TIMP3: variants seen among roughly 807,000 people sequenced by gnomAD.
TIMP3 encodes the protein metalloproteinase inhibitor 3.
A neutral mutation model predicts 30.0 loss-of-function variants in TIMP3; 11 were observed. The ratio of observed to expected loss-of-function variants is 0.37; its 90% confidence interval spans 0.23 to 0.61. The LOEUF is 0.61. Ranked by LOEUF, TIMP3 falls within the 20% of genes least tolerant of loss-of-function variation. The probability of loss-of-function intolerance (pLI) is 0.70; values close to 1 mark genes in which losing one functional copy is unlikely to be tolerated. For missense variants in TIMP3, 181 were observed against 276.8 expected, an observed-to-expected ratio of 0.65 and a Z score of 2.45; for synonymous variants, 112 against 111.3, an observed-to-expected ratio of 1.01 and a Z score of -0.04.
chr22:32,801,812 A>G lies in TIMP3; in HGVS notation c.-190A>G, dbSNP rs2046590191. The G allele has an allele frequency of 1.8e-6, 1 of 555,692 alleles. No individual in the cohort carries two copies. The highest frequency in any genetic ancestry group is 5.5e-5 in the East Asian group (1 of 18,082). The allele number at this position is 555,692 out of a possible 1,614,324, so 34.4% of individuals were successfully genotyped here. ...GAGGCCGCCCGCCGAGTCCTGCGCCAGCGCCGAGGCAGCCTCGCTGCGCCC... is the reference window on the plus strand; with the variant it reads ...GAGGCCGCCCGCCGAGTCCTGCGCCGGCGCCGAGGCAGCCTCGCTGCGCCC... On this transcript the variant is annotated 5_prime_UTR_variant, in exon 1 of 5. Coordinates refer to ENST00000266085, the MANE Select transcript of TIMP3 (RefSeq NM_000362.5). The surrounding 1 kb of genome is among the most constrained non-coding windows in gnomAD (Gnocchi z 4.7).
intron 2 of TIMP3, among the ~76,000 whole-genome samples, chr22:32,851,126 G>A (rs1370101616): frequency 6.6e-6 from 1 of 152,172 alleles, no homozygotes; most frequent in African/African-American, 2.4e-5. Flanking sequence ...TGGGGAACCA[G>A]CAAGAGCAAC....
Position 32,859,422 on chromosome 22 carries a change from C to T in TIMP3, c.*45C>T. On this transcript the variant is annotated 3_prime_UTR_variant, in exon 5 of 5. Transcript: ENST00000266085. Reference sequence around the variant, plus strand: ...CTCACTTCCCTCCCTTCCCGCTGAGCTTCCCTTGGACACTAACTCTTCCCA... The same window carrying T: ...CTCACTTCCCTCCCTTCCCGCTGAGTTTCCCTTGGACACTAACTCTTCCCA... 1.9e-6 allele frequency: 3 copies of T among 1,580,560 alleles called. No homozygotes were observed. The highest frequency in any genetic ancestry group is 2.6e-6 in the Non-Finnish European group (3 of 1,167,814).
chr22:32,836,372 C>T (rs867856615), intron 1 of TIMP3, among the ~76,000 whole-genome samples: 6 of 152,318 alleles, frequency 3.9e-5, no homozygotes, highest in South Asian at 4.2e-4. Flanking sequence ...TCAATGACTC[C>T]ATCTCCCTGT....
In TIMP3 at chr22:32,830,872, A is replaced by C. The variant is rs16991318; in HGVS notation, c.122-18580A>C. 9.5e-3 allele frequency among the ~76,000 whole-genome samples: 1,445 copies of C among 152,300 alleles called. 32 individuals carry two copies. The highest frequency in any genetic ancestry group is 0.034 in the African/African-American group (1,408 of 41,554). On this transcript the variant is annotated intron_variant, in intron 1 of 4. Transcript: ENST00000266085. ...CTGATGGTCTTCGCTGGCACGTAGC[A>C]AAATCCACCCAGAACACCGCGATCT...
At chr22:32,858,248 T>G in intron 4 of TIMP3, 110 bp downstream of exon 4, 1 of 1,503,754 alleles carries the variant, frequency 6.7e-7, no homozygotes, top group Non-Finnish European at 9.1e-7. Flanking sequence ...AGGGTATGCA[T>G]GTGTTAGGCC....
chr22:32,808,848 G>A (rs1159109272), intron 1 of TIMP3, among the ~76,000 whole-genome samples: 2 of 152,216 alleles, frequency 1.3e-5, no homozygotes, highest in African/African-American at 4.8e-5. Flanking sequence ...AACTCCCAGA[G>A]GGGATCATTC....
rs2046929488 is a variant in TIMP3, at chr22:32,812,037, G to A, written c.121+9915G>A. On this transcript the variant is annotated intron_variant, in intron 1 of 4. Transcript: ENST00000266085. Reference sequence around the variant, plus strand: ...ACTGGCTGGAGTTAGGAGGCCTAAGGTCTAGTCCTAGTTCATCATCTGACT... The same window carrying A: ...ACTGGCTGGAGTTAGGAGGCCTAAGATCTAGTCCTAGTTCATCATCTGACT... Among the ~76,000 whole-genome samples the A allele has an allele frequency of 2.6e-5, 4 of 152,170 alleles. No individual in the cohort carries two copies. In the South Asian group the frequency reaches 8.3e-4, roughly 32 times the overall value.
intron 1 of TIMP3, among the ~76,000 whole-genome samples, chr22:32,807,393 T>TA (rs1385303213): frequency 9.8e-6 from 1 of 101,690 alleles, no homozygotes; most frequent in Non-Finnish European, 1.9e-5. Flanking sequence ...ATATTATATA[T>TA]AATATATATA....
At position 32,861,738 on chromosome 22, in the gene TIMP3, T is replaced by G. The variant is rs1193977416; in HGVS notation, c.*2361T>G. 6.6e-6 allele frequency: 1 copy of G among 152,510 alleles called. No individual in the cohort carries two copies. Among genetic ancestry groups the G allele is most frequent in the African/African-American group, 2.4e-5 (1 of 41,400 alleles). 9.4% of individuals were successfully genotyped at this position (152,510 alleles called of 1,614,324 possible). A position where few individuals can be genotyped will look rare whatever the true frequency, so the allele number is the denominator to read the frequency against. ...AAGAAGGGTCTTTCGCAAAGCGATG[T>G]CAGAGGGCGGTTTTGAGCTTTCTAT... On this transcript the variant is annotated 3_prime_UTR_variant, in exon 5 of 5. Transcript: ENST00000266085.
At position 32,801,978 on chromosome 22, in the gene TIMP3, C is replaced by A; in HGVS notation, c.-24C>A. 2 of 1,581,418 alleles carry A rather than the reference C, an allele frequency of 1.3e-6. No individual in the cohort carries two copies. Among genetic ancestry groups the A allele is most frequent in the Non-Finnish European group, 1.7e-6 (2 of 1,171,044 alleles). On this transcript the variant is annotated 5_prime_UTR_variant, in exon 1 of 5. Transcript: ENST00000266085. This position sits in a 1 kb window ranked among gnomAD's most constrained non-coding sequence, Gnocchi z 4.7. Reference sequence around the variant, plus strand: ...AACTTTGGAGAGGCGAGCAGCAGCCCCGGCAGCGGCGGCAGCAGCGGCAAT... The same window carrying A: ...AACTTTGGAGAGGCGAGCAGCAGCCACGGCAGCGGCGGCAGCAGCGGCAAT...
intron 1 of TIMP3, among the ~76,000 whole-genome samples, chr22:32,841,496 T>C (rs934639553): frequency 4.6e-5 from 7 of 152,150 alleles, no homozygotes; most frequent in Non-Finnish European, 1.0e-4. Context: ...TACAATTTCC[T>C]GAGATTAAGA....
chr22:32,855,072 G>A (rs9609643), intron 2 of TIMP3, among the ~76,000 whole-genome samples: 9,541 of 152,310 alleles, frequency 0.063, 385 homozygotes, highest in South Asian at 0.19. Flanking sequence ...ATGCCAGGAA[G>A]TAAAGTAGAG....
At chr22:32,836,206 T>C (rs1254041732) in intron 1 of TIMP3, among the ~76,000 whole-genome samples, 1 of 152,236 alleles carries the variant, frequency 6.6e-6, no homozygotes, top group Non-Finnish European at 1.5e-5. Context: ...GTTTGTAAAG[T>C]GTGTCTGTCT....
intron 1 of TIMP3, among the ~76,000 whole-genome samples, 181 bp downstream of exon 1, chr22:32,802,303 G>T (rs536106538): frequency 6.6e-6 from 1 of 152,244 alleles, no homozygotes; most frequent in South Asian, 2.1e-4. Flanking sequence ...GAGAGGGGAA[G>T]ATGCCCTGCA....
At chr22:32,847,431 T>A (rs2048098243) in intron 1 of TIMP3, among the ~76,000 whole-genome samples, 1 of 152,156 alleles carries the variant, frequency 6.6e-6, no homozygotes. Context: ...GCTAAATTGC[T>A]CACTTTGCCA....
At chr22:32,841,313 A>C (rs2047894730) in intron 1 of TIMP3, among the ~76,000 whole-genome samples, 1 of 152,166 alleles carries the variant, frequency 6.6e-6, no homozygotes, top group South Asian at 2.1e-4. Context: ...CCAGTGTCTG[A>C]TAGAGCACAG....
rs191293675 is a variant in TIMP3 at position 32,801,885 on chromosome 22, G to A, written c.-117G>A. The stretch of plus-strand genomic sequence containing the variant: ...GGAGGGCAGCGCGCCGGAGGCCAAG[G>A]TTGCCCCGCACGGCCCGGCGGGCGA... On this transcript the variant is annotated 5_prime_UTR_variant, in exon 1 of 5. Coordinates refer to ENST00000266085, the MANE Select transcript of TIMP3 (RefSeq NM_000362.5). This position sits in a 1 kb window ranked among gnomAD's most constrained non-coding sequence, Gnocchi z 4.7. The A allele has an allele frequency of 1.7e-3, 2,311 of 1,326,686 alleles. 21 individuals carry two copies. The African/African-American group carries it at 0.023, about 13-fold the overall frequency. The allele number at this position is 1,326,686 out of a possible 1,614,324, so 82.2% of individuals were successfully genotyped here. A position where few individuals can be genotyped will look rare whatever the true frequency, so the allele number is the denominator to read the frequency against.
chr22:32,842,756 T>C (rs1195553745), intron 1 of TIMP3, among the ~76,000 whole-genome samples: 1 of 152,336 alleles, frequency 6.6e-6, no homozygotes, highest in East Asian at 1.9e-4. Context: ...CATGAAAGCC[T>C]TGCCGGGGAG....
At chr22:32,814,233 AAAAGAAAGAAAGAAGG>A (rs1569245126) in intron 1 of TIMP3, among the ~76,000 whole-genome samples, 4 of 138,806 alleles carry the variant, frequency 2.9e-5, no homozygotes, top group African/African-American at 5.6e-5. Flanking sequence ...GAAAGAAAAA[AAAAGAAAGAAAGAAGG>A]AAAGAAAGAA....
Sources: allele counts gnomAD v4.1 joint callset (sites outside exome capture counted in the v4.1 genomes callset), GRCh38; gene constraint gnomAD v4.1.1; non-coding constraint Gnocchi (gnomAD v3.1); transcripts MANE v1.5; gene names NCBI Gene and HGNC (gene_info 2026-07-23, HGNC 2026-07-21).